Variants in ACAP3 observed in about 807,000 individuals in gnomAD.
The protein encoded by ACAP3 is arf-GAP with coiled-coil, ANK repeat and PH domain-containing protein 3.
In ACAP3, 56 loss-of-function variants were observed where a neutral mutation model predicts 104.1. That is an observed-to-expected ratio of 0.54 (90% confidence interval 0.43 to 0.67). The LOEUF (loss-of-function observed/expected upper bound fraction) is 0.67, where lower values mean the gene tolerates loss of function less well. ACAP3 is among the 30% of genes least tolerant of loss of function. ACAP3 has a pLI of 0.00. For synonymous variants in ACAP3, 628 were observed against 496.2 expected (o/e 1.27, Z -3.53); for missense variants, 1,208 against 1,174.9 (o/e 1.03, Z -0.41).
intron 22 of ACAP3, 62 bp downstream of exon 22, chr1:1,294,028 C>T: frequency 1.3e-6 from 2 of 1,485,816 alleles, no homozygotes; most frequent in East Asian, 5.2e-5. Flanking sequence ...GCGGACAGGG[C>T]GTAGCCGGGC....
At chr1:1,300,757 C>T (rs527239844) in intron 5 of ACAP3, 65 bp from the exon 6 acceptor site, 3 of 1,520,778 alleles carry the variant, frequency 2.0e-6, no homozygotes, top group East Asian at 4.7e-5. Context: ...CTGGAGTCTC[C>T]CACATCGTTG....
intron 1 of ACAP3, chr1:1,307,294 C>A (rs1011002160): frequency 5.4e-6 from 7 of 1,289,030 alleles, no homozygotes; most frequent in Non-Finnish European, 7.1e-6. Context: ...CCCCTCCAAG[C>A]CCCTGGGTCA....
chr1:1,298,211 G>T, intron 12 of ACAP3, 98 bp from the exon 13 acceptor site: 4 of 1,567,604 alleles, frequency 2.6e-6, no homozygotes, highest in Non-Finnish European at 3.5e-6. Context: ...CCGACTGCCT[G>T]AGCCCCAAGC....
chr1:1,294,411 G>A lies in ACAP3; in HGVS notation c.2130C>T (p.Ala710=). The A allele has an allele frequency of 2.0e-5, 32 of 1,575,356 alleles. No homozygotes were observed. The highest frequency in any genetic ancestry group is 2.7e-5 in the Non-Finnish European group (31 of 1,165,738). The change falls in exon 21 of 24, where the codon GCC becomes GCT. Residue 710 remains alanine (A), a synonymous_variant. Coordinates refer to ENST00000354700, the MANE Select transcript of ACAP3 (RefSeq NM_030649.3). ...EDEGKTPLVQ[A]VLGGSLIVCE... The stretch of plus-strand genomic sequence containing the variant: ...CCCGTGGCTCGCTCACCCCTAGCAC[G>A]GCCTGCACCAGCGGCGTCTTGCCCT...
intron 22 of ACAP3, 41 bp from the exon 23 acceptor site, chr1:1,293,974 G>C (rs914382284): frequency 8.0e-6 from 12 of 1,499,930 alleles, no homozygotes; most frequent in Non-Finnish European, 1.1e-5. Flanking sequence ...GGCGGGGCGG[G>C]GCGGGGCGAG....
chr1:1,306,964 C>T (rs1641745135), intron 1 of ACAP3: 1 of 406,298 alleles, frequency 2.5e-6, no homozygotes. Context: ...ATCCACACGT[C>T]CTGTGCAAGG....
At chr1:1,299,440 C>G in intron 9 of ACAP3, 84 bp from the exon 10 acceptor site, 2 of 1,422,322 alleles carry the variant, frequency 1.4e-6, no homozygotes, top group Admixed American at 2.8e-5. Flanking sequence ...GGACCCGTCC[C>G]CAACTCCTGG....
intron 6 of ACAP3, 27 bp from the exon 7 acceptor site, chr1:1,300,229 G>A: frequency 6.3e-7 from 1 of 1,581,278 alleles, no homozygotes; most frequent in Non-Finnish European, 8.6e-7. Context: ...CCACAGGTGA[G>A]CCCCGGAGGC....
intron 14 of ACAP3, among the ~76,000 whole-genome samples, 182 bp from the exon 15 acceptor site, chr1:1,296,815 CCGCACACG>C (rs148690159): frequency 0.081 from 11,797 of 144,832 alleles, 1,415 homozygotes; most frequent in East Asian, 0.56. Context: ...GAGCACACGC[CCGCACACG>C]CACACACGCG....
chr1:1,294,295 C>G, intron 21 of ACAP3, 96 bp from the exon 22 acceptor site: 1 of 1,513,914 alleles, frequency 6.6e-7, no homozygotes, highest in East Asian at 2.5e-5. Flanking sequence ...CAGCCGGGAC[C>G]GAACGTGGTC....
intron 11 of ACAP3, 39 bp from the exon 12 acceptor site, chr1:1,298,460 C>A (rs762960119): frequency 6.3e-7 from 1 of 1,592,838 alleles, no homozygotes; most frequent in Non-Finnish European, 8.6e-7. Context: ...AGGCGGGGCC[C>A]ATCCCAGGGC....
At position 1,300,600 on chromosome 1, in the gene ACAP3, C is replaced by T. The variant is rs1641401782; in HGVS notation, c.431G>A (p.Arg144Lys). Residue 144 changes from arginine to lysine, a missense_variant, in exon 6 of 24, where the codon AGG (arginine) becomes AAG (lysine). Physicochemically the swap from Arg to Lys is conservative, Grantham distance 26. Coordinates refer to ENST00000354700, the MANE Select transcript of ACAP3 (RefSeq NM_030649.3). ...TTCCTCCACCTCGTGGGGCCGGTGCCTCGGGGCCTGGGCGTTCCTCACCAG... is the reference window on the plus strand; with the variant it reads ...TTCCTCCACCTCGTGGGGCCGGTGCTTCGGGGCCTGGGCGTTCCTCACCAG... ...LSLVRNAQAP[R>K]HRPHEVEEAT... 1.2e-6 allele frequency: 2 copies of T among 1,609,602 alleles called. No homozygotes were observed. The highest frequency in any genetic ancestry group is 3.4e-5 in the Admixed American group (2 of 59,050).
intron 1 of ACAP3, chr1:1,307,519 C>G (rs1283391955): frequency 8.7e-7 from 1 of 1,152,572 alleles, no homozygotes; most frequent in Non-Finnish European, 1.1e-6. Flanking sequence ...GGCGGACGGT[C>G]CCGAGGTGCC....
At position 1,293,298 on chromosome 1, in the gene ACAP3, G is replaced by T. The variant is rs2100374117; in HGVS notation, c.*266C>A. On this transcript the variant is annotated 3_prime_UTR_variant, in exon 24 of 24. Transcript: ENST00000354700. ...GAGCAACCCAGGCCCCTGAAAAGGG[G>T]TGACCTGAAGACAGAGGTTCCCCAG... 3.6e-6 allele frequency: 1 copy of T among 276,256 alleles called. No homozygotes were observed. Among genetic ancestry groups the T allele is most frequent in the South Asian group, 1.2e-4 (1 of 8,480 alleles). The allele number at this position is 276,256 out of a possible 1,614,324, so 17.1% of individuals were successfully genotyped here. A position where few individuals can be genotyped will look rare whatever the true frequency, so the allele number is the denominator to read the frequency against.
chr1:1,302,164 C>T (rs1029300632), intron 4 of ACAP3, 118 bp from the exon 5 acceptor site: 3 of 916,984 alleles, frequency 3.3e-6, no homozygotes, highest in Non-Finnish European at 1.5e-6. Context: ...GGGCGGGTCC[C>T]ACCCTGCAGG....
chr1:1,303,057 G>T lies in ACAP3; in HGVS notation c.226-82C>A. 1.3e-6 allele frequency: 2 copies of T among 1,556,518 alleles called. No individual in the cohort carries two copies. Among genetic ancestry groups the T allele is most frequent in the South Asian group, 1.2e-5 (1 of 84,552 alleles). On this transcript the variant is annotated intron_variant, in intron 3 of 23. Transcript: ENST00000354700. This position sits in a 1 kb window ranked among gnomAD's most constrained non-coding sequence, Gnocchi z 4.0. Reference sequence around the variant, plus strand: ...AGCCACGCCCTCTGAGCCCCTGGGCGGTGCAGACACCGGCCTGCTTCTGGC... The same window carrying T: ...AGCCACGCCCTCTGAGCCCCTGGGCTGTGCAGACACCGGCCTGCTTCTGGC...
Position 1,299,964 on chromosome 1 carries a change from A to C in ACAP3, c.663+9T>G. ...GCCTGGCCCAGCCCCACCCCTCCCA[A>C]AGGCTCACCTCGGCTGCCAGCTTCT... On this transcript the variant is annotated intron_variant, in intron 8 of 23. Coordinates refer to ENST00000354700, the MANE Select transcript of ACAP3 (RefSeq NM_030649.3). The C allele has an allele frequency of 2.5e-6, 4 of 1,607,152 alleles. No homozygotes were observed. Among genetic ancestry groups the C allele is most frequent in the Non-Finnish European group, 3.4e-6 (4 of 1,175,686 alleles).
At chr1:1,296,182 C>T (rs1459219640) in intron 16 of ACAP3, 29 bp downstream of exon 16, 2 of 1,595,208 alleles carry the variant, frequency 1.3e-6, no homozygotes, top group Non-Finnish European at 1.7e-6. Flanking sequence ...CAAACGGGGT[C>T]CCGTGGCCTC....
intron 1 of ACAP3, chr1:1,307,428 G>A (rs1273909432): frequency 3.1e-6 from 4 of 1,293,798 alleles, no homozygotes; most frequent in Non-Finnish European, 4.0e-6. Flanking sequence ...ACGCCCCCAC[G>A]GACCCAGACG....
Sources: allele counts gnomAD v4.1 joint callset (sites outside exome capture counted in the v4.1 genomes callset), GRCh38; gene constraint gnomAD v4.1.1; non-coding constraint Gnocchi (gnomAD v3.1); transcripts MANE v1.5; gene names NCBI Gene and HGNC (gene_info 2026-07-23, HGNC 2026-07-21).